The following CD86 variants were observed in gnomAD, a reference collection of about 807,000 sequenced individuals.
CD86 encodes T-lymphocyte activation antigen CD86.
In CD86, 11 loss-of-function variants were observed where a neutral mutation model predicts 32.1. That is an observed-to-expected ratio of 0.34 (90% CI 0.22 to 0.57). The LOEUF is 0.57. CD86 is among the 20% of genes least tolerant of loss of function. The pLI is 0.86. For missense variants in CD86, 359 were observed against 398.4 expected (o/e 0.90, Z 0.84); for synonymous variants, 137 against 135.3 (o/e 1.01, Z -0.09).
chr3:122,119,359 C>T, intron 6 of CD86, 79 bp from the exon 7 acceptor site: 1 of 807,738 alleles, frequency 1.2e-6, no homozygotes, highest in Non-Finnish European at 2.2e-6. Context: ...AACCTCTATT[C>T]TGCCCTATCA....
At chr3:122,083,236 G>T (rs1000539830) in intron 1 of CD86, among the ~76,000 whole-genome samples, 4 of 152,112 alleles carry the variant, frequency 2.6e-5, no homozygotes, top group Non-Finnish European at 5.9e-5. Flanking sequence ...CAAATCTGAT[G>T]ATATCAGTCT....
intron 1 of CD86, among the ~76,000 whole-genome samples, chr3:122,084,611 G>C (rs1008089425): frequency 6.6e-6 from 1 of 152,076 alleles, no homozygotes; most frequent in Non-Finnish European, 1.5e-5. Context: ...GCTCAGCTGG[G>C]ACCATTGACC....
intron 1 of CD86, among the ~76,000 whole-genome samples, chr3:122,066,891 T>C (rs2072421070): frequency 6.6e-6 from 1 of 151,926 alleles, no homozygotes; most frequent in Non-Finnish European, 1.5e-5. Flanking sequence ...GAAGAGGGAC[T>C]AAGGAAGATA....
Position 122,105,946 on chromosome 3 carries a change from T to A in CD86, c.401-252T>A, listed in dbSNP as rs369204111. ...ATCTTTGGTGACTCAATTACAGCCC[T>A]CCTGTCACTTAGAGAGCACCCCTTT... is the stretch of plus-strand genomic sequence containing the variant. On this transcript the variant is annotated intron_variant, in intron 3 of 6. Coordinates refer to ENST00000330540, the MANE Select transcript of CD86 (RefSeq NM_175862.5). Among the ~76,000 whole-genome samples, 61 of 152,246 alleles carry A rather than the reference T, an allele frequency of 4.0e-4. 1 individual carries two copies. The South Asian group carries it at 0.012, about 29-fold the overall frequency.
chr3:122,113,876 T>C (rs2073211331), intron 5 of CD86, among the ~76,000 whole-genome samples: 1 of 152,154 alleles, frequency 6.6e-6, no homozygotes, highest in Non-Finnish European at 1.5e-5. Context: ...TTGAGCTTGA[T>C]GGTATGACTC....
chr3:122,075,111 C>T (rs181669680), intron 1 of CD86, among the ~76,000 whole-genome samples: 33 of 151,402 alleles, frequency 2.2e-4, no homozygotes, highest in African/African-American at 7.5e-4. Flanking sequence ...AAAAAAAAGC[C>T]GTGGTCAGCA....
intron 1 of CD86, among the ~76,000 whole-genome samples, chr3:122,066,387 C>T (rs2072413276): frequency 6.6e-6 from 1 of 152,054 alleles, no homozygotes; most frequent in African/African-American, 2.4e-5. Flanking sequence ...AAAAGGTGCC[C>T]AGCTGCTCAG....
chr3:122,109,346 T>C lies in CD86; in HGVS notation c.785T>C (p.Val262Ala), dbSNP rs1204211302. The C allele has an allele frequency of 6.2e-7, 1 of 1,613,968 alleles. No homozygotes were observed. Among genetic ancestry groups the C allele is most frequent in the Non-Finnish European group, 8.5e-7 (1 of 1,179,978 alleles). Residue 262 changes from valine (V) to alanine (A), a missense_variant, in exon 5 of 7, where the codon GTT becomes GCT. Transcript: ENST00000330540. Reference sequence around the variant, plus strand: ...CCAACAGTTATTATATGTGTGATGGTTTTCTGTCTAATTCTATGGAAATGG... The same window carrying C: ...CCAACAGTTATTATATGTGTGATGGCTTTCTGTCTAATTCTATGGAAATGG... The part of the protein sequence containing the change: ...VLPTVIICVM[V>A]FCLILWKWKK...
intron 5 of CD86, among the ~76,000 whole-genome samples, chr3:122,117,296 AAT>A (rs2073269572): frequency 6.6e-6 from 1 of 152,204 alleles, no homozygotes; most frequent in African/African-American, 2.4e-5. Context: ...ATTGTTTTTA[AAT>A]ACACACATAC....
intron 1 of CD86, among the ~76,000 whole-genome samples, chr3:122,078,475 G>T (rs1347113170): frequency 6.6e-6 from 1 of 152,124 alleles, no homozygotes; most frequent in African/African-American, 2.4e-5. Context: ...TCCTCTTGCA[G>T]CCTCTCTGCA....
intron 2 of CD86, 97 bp from the exon 3 acceptor site, chr3:122,103,415 T>G: frequency 1.3e-6 from 1 of 756,186 alleles, no homozygotes; most frequent in Non-Finnish European, 2.2e-6. Flanking sequence ...GCATGATTAC[T>G]GATAAGATAG....
intron 2 of CD86, among the ~76,000 whole-genome samples, chr3:122,093,184 T>A (rs998481254): frequency 2.0e-5 from 3 of 152,162 alleles, no homozygotes; most frequent in Admixed American, 2.0e-4. Flanking sequence ...TGAGACAGCA[T>A]CTTTCTCTGT....
chr3:122,090,128 A>T (rs996427260), intron 1 of CD86, among the ~76,000 whole-genome samples: 1 of 152,206 alleles, frequency 6.6e-6, no homozygotes, highest in Non-Finnish European at 1.5e-5. Context: ...TCCACTATTT[A>T]TCACCTTTAT....
At chr3:122,079,610 A>G (rs535950575) in intron 1 of CD86, among the ~76,000 whole-genome samples, 34 of 152,340 alleles carry the variant, frequency 2.2e-4, no homozygotes, top group African/African-American at 8.2e-4. Context: ...GAGAAAGGAC[A>G]GGGCCATAGG....
chr3:122,106,835 C>T (rs111278301), intron 4 of CD86, among the ~76,000 whole-genome samples: 2,866 of 136,866 alleles, frequency 0.021, 40 homozygotes, highest in Non-Finnish European at 0.032. Flanking sequence ...CACATACATG[C>T]GCTTGCACAC....
chr3:122,092,497 C>T (rs1219739088), intron 2 of CD86, among the ~76,000 whole-genome samples: 2 of 152,124 alleles, frequency 1.3e-5, no homozygotes, highest in Non-Finnish European at 2.9e-5. Flanking sequence ...CTTAACTATC[C>T]ACCACCTCCC....
At chr3:122,116,653 T>C (rs1038641027) in intron 5 of CD86, among the ~76,000 whole-genome samples, 1 of 152,196 alleles carries the variant, frequency 6.6e-6, no homozygotes, top group Non-Finnish European at 1.5e-5. Flanking sequence ...CCTGGCATTC[T>C]AAATTTTCAT....
chr3:122,095,664 A>G (rs13064913), intron 2 of CD86, among the ~76,000 whole-genome samples: 15,889 of 152,222 alleles, frequency 0.1, 871 homozygotes, highest in Non-Finnish European at 0.12. Context: ...GTCGAGACCT[A>G]TCATTCCCAA....
chr3:122,066,857 T>C (rs1359829957), intron 1 of CD86, among the ~76,000 whole-genome samples: 3 of 152,024 alleles, frequency 2.0e-5, no homozygotes, highest in African/African-American at 7.2e-5. Context: ...GAGGAAACTG[T>C]TATAATGGAA....
Sources: allele counts gnomAD v4.1 joint callset (sites outside exome capture counted in the v4.1 genomes callset), GRCh38; gene constraint gnomAD v4.1.1; transcripts MANE v1.5; gene names NCBI Gene and HGNC (gene_info 2026-07-23, HGNC 2026-07-21).